The following HEBP1 variants were observed in gnomAD, a reference collection of about 807,000 sequenced individuals.
The protein encoded by HEBP1 is heme binding protein 1.
A neutral mutation model predicts 20.4 loss-of-function variants in HEBP1; 13 were observed. That is an observed-to-expected ratio of 0.64 (90% CI 0.42 to 1.01). The LOEUF (loss-of-function observed/expected upper bound fraction) is 1.01. Among genes scored for constraint, HEBP1 ranks in the 50% least tolerant of loss-of-function variants. HEBP1 has a pLI of 0.00. For synonymous variants in HEBP1, 92 were observed against 90.7 expected (o/e 1.01, Z -0.08); for missense variants, 241 against 247.3 (o/e 0.97, Z 0.17).
At chr12:12,987,070 G>T in intron 3 of HEBP1, 82 bp downstream of exon 3, 1 of 1,104,938 alleles carries the variant, frequency 9.1e-7, no homozygotes, top group Non-Finnish European at 1.3e-6. Context: ...AAAATTTGAC[G>T]CGAATGCTTG....
At chr12:12,999,837 G>T (rs1864332444) in intron 1 of HEBP1, among the ~76,000 whole-genome samples, 200 bp downstream of exon 1, 1 of 152,186 alleles carries the variant, frequency 6.6e-6, no homozygotes, top group African/African-American at 2.4e-5. Context: ...TCTCACCACC[G>T]GCTGCAGGGG....
intron 1 of HEBP1, among the ~76,000 whole-genome samples, chr12:12,995,589 T>C (rs1426895839): frequency 1.3e-5 from 2 of 152,184 alleles, no homozygotes; most frequent in South Asian, 2.1e-4. Context: ...AGCATCTGTA[T>C]CCATAACCAC....
Position 13,000,103 on chromosome 12 carries a change from C to T in HEBP1, c.12G>A (p.Met4Ile), listed in dbSNP as rs779959701. The T allele has an allele frequency of 2.5e-6, 4 of 1,610,554 alleles. No individual in the cohort carries two copies. The South Asian group carries it at 3.3e-5, about 13-fold the overall frequency. The change falls in exon 1 of 4, where the codon ATG becomes ATA. Residue 4 changes from methionine (M) to isoleucine (I), a missense_variant. Transcript: ENST00000014930. Reference sequence around the variant, plus strand: ...CGCTTCCGAACAGCGAGTTCTTGATCATGCCCAACATGTTGTAGCCGAGAC... The same window carrying T: ...CGCTTCCGAACAGCGAGTTCTTGATTATGCCCAACATGTTGTAGCCGAGAC... MLG[M>I]IKNSLFGSVE...
chr12:12,985,340 C>A (rs1864138578), intron 3 of HEBP1, among the ~76,000 whole-genome samples: 1 of 151,998 alleles, frequency 6.6e-6, no homozygotes, highest in South Asian at 2.1e-4. Flanking sequence ...CAGGGTAGGG[C>A]TGGGTGAATG....
intron 2 of HEBP1, among the ~76,000 whole-genome samples, chr12:12,988,084 A>G (rs1320490639): frequency 1.3e-5 from 2 of 152,246 alleles, no homozygotes; most frequent in East Asian, 3.8e-4. Flanking sequence ...AATATAATGT[A>G]GCTAGGAATT....
intron 1 of HEBP1, among the ~76,000 whole-genome samples, chr12:12,993,179 CTCTT>C (rs1212620986): frequency 5.1e-5 from 6 of 117,948 alleles, no homozygotes; most frequent in African/African-American, 1.6e-4. Context: ...CTCTCTCTCT[CTCTT>C]TCTTTCTCTT....
intron 1 of HEBP1, among the ~76,000 whole-genome samples, chr12:12,994,795 T>G (rs1267632013): frequency 6.6e-6 from 1 of 152,094 alleles, no homozygotes; most frequent in Non-Finnish European, 1.5e-5. Flanking sequence ...GGTCTGGAGC[T>G]CAGCAGGGGA....
chr12:12,994,014 G>A (rs1864261825), intron 1 of HEBP1, among the ~76,000 whole-genome samples: 1 of 152,132 alleles, frequency 6.6e-6, no homozygotes, highest in Non-Finnish European at 1.5e-5. Context: ...TTAATTCATG[G>A]AATAAACATT....
At chr12:12,999,790 C>T (rs1286723079) in intron 1 of HEBP1, among the ~76,000 whole-genome samples, 3 of 152,264 alleles carry the variant, frequency 2.0e-5, no homozygotes, top group African/African-American at 7.2e-5. Context: ...AGTTGGGATT[C>T]TCTCCTTGGA....
chr12:12,975,532 G>C, intron 3 of HEBP1, 53 bp from the exon 4 acceptor site: 1 of 1,493,646 alleles, frequency 6.7e-7, no homozygotes, highest in Middle Eastern at 1.8e-4. Context: ...CTCTGAGAGA[G>C]GGGGGATCTT....
At chr12:12,992,140 G>T (rs913019840) in intron 1 of HEBP1, among the ~76,000 whole-genome samples, 4 of 152,214 alleles carry the variant, frequency 2.6e-5, no homozygotes, top group Non-Finnish European at 5.9e-5. Context: ...GACAGAAGGT[G>T]TCTCTGGAGG....
At chr12:12,997,883 C>T (rs998281548) in intron 1 of HEBP1, among the ~76,000 whole-genome samples, 3 of 152,230 alleles carry the variant, frequency 2.0e-5, no homozygotes, top group African/African-American at 7.2e-5. Flanking sequence ...AGGAGAAAGG[C>T]TGTGGTTCTG....
chr12:12,978,172 T>G (rs954179201), intron 3 of HEBP1, among the ~76,000 whole-genome samples: 2 of 148,822 alleles, frequency 1.3e-5, no homozygotes, highest in African/African-American at 2.5e-5. Flanking sequence ...AACCTCATCC[T>G]ATATGCACAG....
chr12:12,995,558 G>T (rs977734594), intron 1 of HEBP1, among the ~76,000 whole-genome samples: 4 of 152,152 alleles, frequency 2.6e-5, no homozygotes, highest in Non-Finnish European at 5.9e-5. Context: ...CAGTTCTAGT[G>T]CAGGGATCAC....
Position 13,000,076 on chromosome 12 carries a change from T to C in HEBP1, c.39A>G (p.Val13=). Residue 13 remains valine (V), a synonymous_variant, in exon 1 of 4, where the codon GTA becomes GTG. Coordinates refer to ENST00000014930, the MANE Select transcript of HEBP1 (RefSeq NM_015987.5). ...TTAGGACCTGCCAAGGCCACGTCTC[T>C]ACGCTTCCGAACAGCGAGTTCTTGA... The part of the protein sequence containing the change: ...GMIKNSLFGS[V]ETWPWQVLSK... 1 of 1,612,744 alleles carries C rather than the reference T, an allele frequency of 6.2e-7. No individual in the cohort carries two copies. Among genetic ancestry groups the C allele is most frequent in the South Asian group, 1.1e-5 (1 of 90,800 alleles).
In HEBP1 at chr12:13,000,107, C is replaced by T. The variant is rs373330045; in HGVS notation, c.8G>A (p.Gly3Asp). ...TCCGAACAGCGAGTTCTTGATCATG[C>T]CCAACATGTTGTAGCCGAGACGCTC... ML[G>D]MIKNSLFGSV... The change falls in exon 1 of 4, where the codon GGC becomes GAC. Residue 3 changes from glycine (G) to aspartate (D), a missense_variant. By Grantham distance (94) the Gly-to-Asp change is moderately conservative (BLOSUM62 -1). Transcript: ENST00000014930. 7.5e-5 allele frequency: 121 copies of T among 1,609,788 alleles called. No individual in the cohort carries two copies. Among genetic ancestry groups the T allele is most frequent in the Non-Finnish European group, 1.0e-4 (120 of 1,177,800 alleles).
chr12:12,983,097 C>T (rs1864106757), intron 3 of HEBP1, among the ~76,000 whole-genome samples: 1 of 152,190 alleles, frequency 6.6e-6, no homozygotes, highest in South Asian at 2.1e-4. Flanking sequence ...TGGTTTCCAA[C>T]TTTTTCCTTT....
chr12:12,999,959 A>G (rs1591580306), intron 1 of HEBP1, 78 bp downstream of exon 1: 1 of 969,430 alleles, frequency 1.0e-6, no homozygotes, highest in Admixed American at 2.1e-5. Context: ...CCTGCCCCTC[A>G]GCACCCGCTG....
At position 12,986,766 on chromosome 12, in the gene HEBP1, G is replaced by A. The variant is rs1287501340; in HGVS notation, c.398+386C>T. 1 of 163,876 alleles carries A rather than the reference G, an allele frequency of 6.1e-6. No individual in the cohort carries two copies. Among genetic ancestry groups the A allele is most frequent in the Non-Finnish European group, 1.3e-5 (1 of 75,684 alleles). The allele number at this position is 163,876 out of a possible 1,614,324, so 10.2% of individuals were successfully genotyped here. On this transcript the variant is annotated intron_variant, in intron 3 of 3. Coordinates refer to ENST00000014930, the MANE Select transcript of HEBP1 (RefSeq NM_015987.5). This position sits in a 1 kb window ranked among gnomAD's most constrained non-coding sequence, Gnocchi z 4.3. ...CTCCCTGCTCTCTGGCATTCAAAGG[G>A]AGTGTGGGGTAGAAATCAGGTATTC...
Sources: allele counts gnomAD v4.1 joint callset (sites outside exome capture counted in the v4.1 genomes callset), GRCh38; gene constraint gnomAD v4.1.1; non-coding constraint Gnocchi (gnomAD v3.1); transcripts MANE v1.5; gene names NCBI Gene and HGNC (gene_info 2026-07-23, HGNC 2026-07-21).